The following NCKAP5 variants were observed in gnomAD, a reference collection of about 807,000 sequenced individuals.
The protein encoded by NCKAP5 is nck-associated protein 5.
In NCKAP5, 92 loss-of-function variants were observed where a neutral mutation model predicts 167.0. That is an observed-to-expected ratio of 0.55 (90% CI 0.47 to 0.66). The LOEUF (loss-of-function observed/expected upper bound fraction) is 0.66. Among genes scored for constraint, NCKAP5 ranks in the 30% least tolerant of loss-of-function variants. The probability of loss-of-function intolerance (pLI) is 0.00; values close to 1 mark genes in which losing one functional copy is unlikely to be tolerated. For missense variants in NCKAP5, 2,378 were observed against 2,315.0 expected, an observed-to-expected ratio of 1.03 and a Z score of -0.56; for synonymous variants, 891 against 877.4, an observed-to-expected ratio of 1.02 and a Z score of -0.27.
chr2:133,177,784 C>T (rs763977791), intron 5 of NCKAP5, among the ~76,000 whole-genome samples: 13 of 152,174 alleles, frequency 8.5e-5, no homozygotes, highest in Non-Finnish European at 1.8e-4. Context: ...CTCCCCATCC[C>T]CACAATGTAA....
chr2:133,452,458 G>A (rs1453686016), intron 3 of NCKAP5, among the ~76,000 whole-genome samples: 2 of 152,072 alleles, frequency 1.3e-5, no homozygotes, highest in Non-Finnish European at 2.9e-5. Context: ...TTAGACCTAT[G>A]GCTGATAATA....
intron 8 of NCKAP5, among the ~76,000 whole-genome samples, chr2:132,948,008 T>C (rs537651167): frequency 4.3e-4 from 65 of 152,338 alleles, no homozygotes; most frequent in African/African-American, 1.5e-3. Context: ...AGTCTTTCTC[T>C]GAACCAACTT....
At chr2:133,513,931 C>G (rs1306030033) in intron 3 of NCKAP5, among the ~76,000 whole-genome samples, 1 of 152,170 alleles carries the variant, frequency 6.6e-6, no homozygotes, top group Admixed American at 6.5e-5. Flanking sequence ...CTAAATACTA[C>G]CACAGCTACA....
chr2:133,623,776 G>T, the NCKAP5 span, among the ~76,000 whole-genome samples: 1 of 152,076 alleles, frequency 6.6e-6, no homozygotes. Context: ...ATTTGATCCA[G>T]TAATCCCACT....
chr2:133,598,232 C>T, the NCKAP5 span, among the ~76,000 whole-genome samples: 6 of 152,208 alleles, frequency 3.9e-5, no homozygotes, highest in African/African-American at 1.2e-4. Flanking sequence ...CAATGCCTGG[C>T]ACACTGTGCC....
chr2:133,005,667 A>G (rs563408759), intron 6 of NCKAP5, among the ~76,000 whole-genome samples: 44 of 152,182 alleles, frequency 2.9e-4, no homozygotes, highest in Non-Finnish European at 5.0e-4. Flanking sequence ...AAATAAATCT[A>G]TTATTTTGGG....
At chr2:133,416,293 G>A (rs77165703) in intron 3 of NCKAP5, among the ~76,000 whole-genome samples, 2,693 of 152,170 alleles carry the variant, frequency 0.018, 78 homozygotes, top group African/African-American at 0.061. Flanking sequence ...CATGTGTCCC[G>A]TTTTCCAGAT....
At chr2:133,236,980 T>C (rs1198784789) in intron 4 of NCKAP5, among the ~76,000 whole-genome samples, 1 of 151,902 alleles carries the variant, frequency 6.6e-6, no homozygotes, top group Admixed American at 6.6e-5. Context: ...CACACCAACA[T>C]GGCACACGTA....
At chr2:133,284,614 T>C (rs2090042976) in intron 4 of NCKAP5, 1 of 152,168 alleles carries the variant, frequency 6.6e-6, no homozygotes, top group African/African-American at 2.4e-5. Flanking sequence ...GGGTTGTGAA[T>C]AGAAGATGGA....
intron 4 of NCKAP5, among the ~76,000 whole-genome samples, chr2:133,276,080 G>A (rs1391390239): frequency 1.3e-4 from 19 of 151,902 alleles, no homozygotes; most frequent in Admixed American, 1.2e-3. Flanking sequence ...CTGTGAAGAC[G>A]AAGAGGATGA....
chr2:133,643,446 C>G, the NCKAP5 span, among the ~76,000 whole-genome samples: 1 of 152,184 alleles, frequency 6.6e-6, no homozygotes, highest in Non-Finnish European at 1.5e-5. Context: ...AGCCACTTCT[C>G]CAAGCCAGGA....
At chr2:133,329,925 C>T (rs1006201431) in intron 3 of NCKAP5, among the ~76,000 whole-genome samples, 13 of 152,044 alleles carry the variant, frequency 8.6e-5, no homozygotes, top group African/African-American at 3.1e-4. Flanking sequence ...TTTAAAGGCT[C>T]TCCAGATATA....
chr2:133,402,048 C>T (rs896842035), intron 3 of NCKAP5, among the ~76,000 whole-genome samples: 6 of 152,178 alleles, frequency 3.9e-5, no homozygotes, highest in African/African-American at 1.4e-4. Flanking sequence ...TCAGCGTCAT[C>T]AAGGAAGCTT....
intron 8 of NCKAP5, among the ~76,000 whole-genome samples, chr2:132,953,804 T>C (rs553032693): frequency 2.3e-4 from 35 of 152,268 alleles, no homozygotes; most frequent in South Asian, 2.3e-3. Flanking sequence ...TTTGATGGAA[T>C]TGATGGAACT....
chr2:133,053,607 G>C (rs988712007), intron 6 of NCKAP5, among the ~76,000 whole-genome samples: 2 of 152,164 alleles, frequency 1.3e-5, no homozygotes, highest in African/African-American at 4.8e-5. Context: ...TGCCATGCAT[G>C]GCCATGCAAA....
At chr2:132,877,977 A>G (rs760058663) in intron 9 of NCKAP5, among the ~76,000 whole-genome samples, 12 of 152,192 alleles carry the variant, frequency 7.9e-5, no homozygotes, top group African/African-American at 1.2e-4. Context: ...TCAGACCACA[A>G]TAAAGTTTTA....
At chr2:133,376,846 G>A (rs1391294132) in intron 3 of NCKAP5, among the ~76,000 whole-genome samples, 1 of 152,184 alleles carries the variant, frequency 6.6e-6, no homozygotes, top group African/African-American at 2.4e-5. Flanking sequence ...AGTGGTACCT[G>A]TGTGACATAA....
intron 5 of NCKAP5, among the ~76,000 whole-genome samples, chr2:133,147,486 C>T (rs2083241489): frequency 6.6e-6 from 1 of 152,072 alleles, no homozygotes; most frequent in Non-Finnish European, 1.5e-5. Flanking sequence ...TGAATAAGCT[C>T]CAGAAGGTAT....
intron 4 of NCKAP5, among the ~76,000 whole-genome samples, chr2:133,242,771 TA>T (rs930838736): frequency 6.6e-6 from 1 of 152,176 alleles, no homozygotes; most frequent in Non-Finnish European, 1.5e-5. Context: ...GACAAACATG[TA>T]AACAATAAAG....
Sources: gnomAD v4.1 joint callset for allele counts (sites outside exome capture counted in the v4.1 genomes callset) on GRCh38, gnomAD v4.1.1 for gene constraint, MANE v1.5 for transcripts, NCBI Gene and HGNC (gene_info 2026-07-23, HGNC 2026-07-21) for gene names.